Variants in ADGRD1 observed in about 807,000 individuals in gnomAD.
The protein encoded by ADGRD1 is adhesion G protein-coupled receptor D1, also known as G-protein coupled receptor 133.
Under a neutral mutation model 113.4 loss-of-function variants are expected in ADGRD1, and 77 were observed. The observed-to-expected ratio is 0.68, with a 90% CI of 0.57 to 0.82. The LOEUF is 0.82. Among genes scored for constraint, ADGRD1 ranks in the 40% least tolerant of loss-of-function variants. The pLI, the probability that ADGRD1 is intolerant of heterozygous loss-of-function variation, is 0.00. For missense variants in ADGRD1, 1,036 were observed against 1,139.1 expected (o/e 0.91, Z 1.30); for synonymous variants, 474 against 475.0 (o/e 1.00, Z 0.03).
At chr12:131,135,916 G>T in intron 21 of ADGRD1, 121 bp from the exon 22 acceptor site, 3 of 1,030,960 alleles carry the variant, frequency 2.9e-6, no homozygotes, top group Non-Finnish European at 4.3e-6. Context: ...GAGGACCCCA[G>T]GTCTTGCTCC....
At position 130,984,023 on chromosome 12, in the gene ADGRD1, T is replaced by G. The variant is rs1342333476; in HGVS notation, c.490+1960T>G. On this transcript the variant is annotated intron_variant, in intron 5 of 24. Transcript: ENST00000261654. The surrounding 1 kb of genome is among the most constrained non-coding windows in gnomAD (Gnocchi z 4.1). ...GTTCCTGAATGAGCAGGGAGGTTGG[T>G]CTTCCCTCTACCAACTCACTCCCAT... Among the ~76,000 whole-genome samples the G allele has an allele frequency of 1.3e-5, 2 of 152,160 alleles. No homozygotes were observed. The highest frequency in any genetic ancestry group is 4.1e-4 in the South Asian group (2 of 4,826).
intron 8 of ADGRD1, 122 bp downstream of exon 8, chr12:130,992,514 G>A: frequency 1.1e-6 from 1 of 874,046 alleles, no homozygotes; most frequent in Non-Finnish European, 1.8e-6. Flanking sequence ...GAAACGTTTG[G>A]GTTTCAGGCT....
intron 8 of ADGRD1, among the ~76,000 whole-genome samples, chr12:130,995,764 A>AT (rs199498190): frequency 0.011 from 1,594 of 150,344 alleles, 40 homozygotes; most frequent in African/African-American, 0.036. Context: ...GTTTTATTTT[A>AT]TTTTTTTTAA....
intron 13 of ADGRD1, among the ~76,000 whole-genome samples, chr12:131,058,147 A>G (rs1215086629): frequency 6.6e-6 from 1 of 152,162 alleles, no homozygotes; most frequent in Admixed American, 6.5e-5. Flanking sequence ...TGCCCTCCCC[A>G]TGAGACTAGA....
At chr12:130,990,796 CA>C (rs35400937) in intron 6 of ADGRD1, 1 of 468,898 alleles carries the variant, frequency 2.1e-6, no homozygotes, top group Non-Finnish European at 3.8e-6. Context: ...ATTGAGAATA[CA>C]AATGGAAAAG....
At chr12:131,040,657 G>C (rs1179463033) in intron 13 of ADGRD1, among the ~76,000 whole-genome samples, 2 of 152,198 alleles carry the variant, frequency 1.3e-5, no homozygotes, top group Non-Finnish European at 2.9e-5. Context: ...CTGTGATTTT[G>C]GGGTAAACCA....
intron 15 of ADGRD1, among the ~76,000 whole-genome samples, chr12:131,088,624 C>T (rs1471462075): frequency 4.6e-5 from 7 of 152,058 alleles, no homozygotes; most frequent in African/African-American, 7.2e-5. Context: ...CTCGGGGAAA[C>T]GCCAGGGCGG....
At chr12:131,095,526 G>A (rs1292350395) in intron 15 of ADGRD1, among the ~76,000 whole-genome samples, 1 of 152,198 alleles carries the variant, frequency 6.6e-6, no homozygotes, top group Non-Finnish European at 1.5e-5. Flanking sequence ...TTCTTTCGGG[G>A]CTACCCTCAG....
chr12:131,137,720 AGCCCAGTGACCCCTTGATCGCAAC>A (rs1431856135), intron 23 of ADGRD1: 34 of 264,328 alleles, frequency 1.3e-4, no homozygotes, highest in Admixed American at 7.0e-4. Context: ...ATGATCACAA[AGCCCAGTGACCCCTTGATCGCAAC>A]GCCCAGTGAC....
intron 8 of ADGRD1, among the ~76,000 whole-genome samples, chr12:130,995,902 T>G (rs1280943043): frequency 6.6e-6 from 1 of 152,140 alleles, no homozygotes; most frequent in South Asian, 2.1e-4. Flanking sequence ...GTCTCTGGTT[T>G]TCCTAGGCAG....
intron 13 of ADGRD1, among the ~76,000 whole-genome samples, chr12:131,048,286 C>T (rs1883042361): frequency 6.6e-6 from 1 of 152,232 alleles, no homozygotes. Context: ...GGCAGCCCCG[C>T]ACCATCTGTG....
At position 130,954,696 on chromosome 12, in the gene ADGRD1, TC is replaced by T. The variant is rs1452084470; in HGVS notation, c.103+41del. ...TTCCTTCTCACTCTGAGCACCGCTC[TC>T]CCCCTGCCTAGTGCAGGTATCTCAG... On this transcript the variant is annotated intron_variant, in intron 2 of 24. Coordinates refer to ENST00000261654, the MANE Select transcript of ADGRD1 (RefSeq NM_198827.5). The surrounding 1 kb of genome is among the most constrained non-coding windows in gnomAD (Gnocchi z 4.7). The T allele has an allele frequency of 1.9e-6, 3 of 1,584,888 alleles. No individual in the cohort carries two copies. Among genetic ancestry groups the T allele is most frequent in the Non-Finnish European group, 2.6e-6 (3 of 1,155,128 alleles).
In ADGRD1 at chr12:131,003,060, G is replaced by A; in HGVS notation, c.1027-125G>A. Reference sequence around the variant, plus strand: ...TCCTGATCCATGGGAAGGGGCAGTTGTGTGACTTCTTCCTCCCTCGTGGCC... The same window carrying A: ...TCCTGATCCATGGGAAGGGGCAGTTATGTGACTTCTTCCTCCCTCGTGGCC... On this transcript the variant is annotated intron_variant, in intron 9 of 24. Transcript: ENST00000261654. This position sits in a 1 kb window ranked among gnomAD's most constrained non-coding sequence, Gnocchi z 4.8. 1 of 802,042 alleles carries A rather than the reference G, an allele frequency of 1.2e-6. No individual in the cohort carries two copies. The highest frequency in any genetic ancestry group is 2.2e-6 in the Non-Finnish European group (1 of 464,622). 49.7% of individuals were successfully genotyped at this position (802,042 alleles called of 1,614,324 possible).
chr12:131,098,172 A>ACCGCCTTCTCTCACG (rs1391426237), intron 15 of ADGRD1, among the ~76,000 whole-genome samples: 1 of 120,216 alleles, frequency 8.3e-6, no homozygotes, highest in African/African-American at 3.1e-5. Context: ...CTTCTCCCGC[A>ACCGCCTTCTCTCACG]GTGGCTGCTG....
intron 18 of ADGRD1, among the ~76,000 whole-genome samples, chr12:131,115,845 T>C (rs543196445): frequency 6.6e-6 from 1 of 152,282 alleles, no homozygotes; most frequent in South Asian, 2.1e-4. Context: ...GGGCTCATCA[T>C]TCATAGACAG....
chr12:130,962,792 T>A (rs540522347), intron 2 of ADGRD1: 1 of 152,354 alleles, frequency 6.6e-6, no homozygotes, highest in South Asian at 2.1e-4. Context: ...GAGTTAACTT[T>A]GTTCCTGGCT....
At chr12:130,997,629 C>T (rs1486215825) in intron 8 of ADGRD1, among the ~76,000 whole-genome samples, 6 of 151,910 alleles carry the variant, frequency 3.9e-5, no homozygotes, top group South Asian at 2.1e-4. Flanking sequence ...AGACACTCCT[C>T]GCTTCCTAGA....
At position 131,084,465 on chromosome 12, in the gene ADGRD1, G is replaced by C. The variant is rs2137210949; in HGVS notation, c.1548-75G>C. 2 of 1,540,054 alleles carry C rather than the reference G, an allele frequency of 1.3e-6. No homozygotes were observed. Among genetic ancestry groups the C allele is most frequent in the Non-Finnish European group, 1.8e-6 (2 of 1,117,478 alleles). On this transcript the variant is annotated intron_variant, in intron 14 of 24. Coordinates refer to ENST00000261654, the MANE Select transcript of ADGRD1 (RefSeq NM_198827.5). The surrounding 1 kb of genome is among the most constrained non-coding windows in gnomAD (Gnocchi z 4.5). ...GAGTTCACGGGGCCATGTGTTATGG[G>C]GGGTGCTGCTCTCAGTCCCCTGCCT... is the stretch of plus-strand genomic sequence containing the variant.
intron 13 of ADGRD1, among the ~76,000 whole-genome samples, chr12:131,038,674 G>A (rs544422355): frequency 6.6e-6 from 1 of 152,308 alleles, no homozygotes; most frequent in African/African-American, 2.4e-5. Context: ...GTGATGGAGG[G>A]GCAACCTGCC....
Sources: gnomAD v4.1 joint callset for allele counts (sites outside exome capture counted in the v4.1 genomes callset) on GRCh38, gnomAD v4.1.1 for gene constraint, Gnocchi (gnomAD v3.1) non-coding constraint, MANE v1.5 for transcripts, NCBI Gene and HGNC (gene_info 2026-07-23, HGNC 2026-07-21) for gene names.